The following IGSF9B variants were observed in gnomAD, a reference collection of about 807,000 sequenced individuals.
IGSF9B encodes protein turtle homolog B.
A neutral mutation model predicts 143.7 loss-of-function variants in IGSF9B; 48 were observed. The observed-to-expected ratio is 0.33, with a 90% confidence interval of 0.26 to 0.42. IGSF9B has a LOEUF of 0.42. IGSF9B is among the 20% of genes least tolerant of loss of function. The pLI, the probability that IGSF9B is intolerant of heterozygous loss-of-function variation, is 1.00. For missense variants in IGSF9B, 1,706 were observed against 1,980.0 expected (o/e 0.86, Z 2.63); for synonymous variants, 903 against 833.1 (o/e 1.08, Z -1.44).
At chr11:133,926,822 C>A in intron 13 of IGSF9B, 94 bp downstream of exon 13, 1 of 1,051,316 alleles carries the variant, frequency 9.5e-7, no homozygotes, top group Non-Finnish European at 1.4e-6. Flanking sequence ...AGCAAGGTAC[C>A]GGCACACAGG....
In IGSF9B at chr11:133,921,166, G is replaced by T. The variant is rs1939527784; in HGVS notation, c.2559C>A (p.Gly853=). 6.2e-7 allele frequency: 1 copy of T among 1,611,720 alleles called. No individual in the cohort carries two copies. Among genetic ancestry groups the T allele is most frequent in the Non-Finnish European group, 8.5e-7 (1 of 1,178,784 alleles). Residue 853 remains glycine, a synonymous_variant, in exon 18 of 20, where the codon GGC becomes GGA. Transcript: ENST00000533871. ...ATTPIELISR[G]PDGRFVMDPA... ...GGTCCATCACGAAGCGGCCGTCAGG[G>T]CCTCTGCTGATGAGCTCGATGGGCG...
rs575533987 is a variant in IGSF9B, at chr11:133,931,841, C to G, written c.1111-46G>C. 66 of 1,599,600 alleles carry G rather than the reference C, an allele frequency of 4.1e-5. No homozygotes were observed. The highest frequency in any genetic ancestry group is 5.4e-5 in the Non-Finnish European group (64 of 1,175,164). On this transcript the variant is annotated intron_variant, in intron 8 of 19. Coordinates refer to ENST00000533871, the MANE Select transcript of IGSF9B (RefSeq NM_001277285.4). This position sits in a 1 kb window ranked among gnomAD's most constrained non-coding sequence, Gnocchi z 7.7. ...GGCAGGGAACGCTGGTCAGAGACTC[C>G]GCGCTCCATCCCAGGCTGGGTCCCA...
In IGSF9B at chr11:133,920,553, G is replaced by C; in HGVS notation, c.3172C>G (p.Pro1058Ala). The change falls in exon 18 of 20, where the codon CCC (proline) becomes GCC (alanine). Residue 1058 changes from proline to alanine, a missense_variant. Physicochemically the swap from Pro to Ala is conservative, Grantham distance 27. Around this residue, in one of 7 missense-constraint regions of IGSF9B, gnomAD observed 880 missense variants for 762.9 expected, o/e 1.15. Coordinates refer to ENST00000533871, the MANE Select transcript of IGSF9B (RefSeq NM_001277285.4). Reference sequence around the variant, plus strand: ...ACATCACAGGGTGGCAGCTGGTGGGGGAACATCATCGCTGGGGTCTCCAGC... The same window carrying C: ...ACATCACAGGGTGGCAGCTGGTGGGCGAACATCATCGCTGGGGTCTCCAGC... ...GGLETPAMMFPHQLPPCDVPE... is the reference protein window; with the variant it reads ...GGLETPAMMFAHQLPPCDVPE... The C allele has an allele frequency of 6.2e-7, 1 of 1,612,610 alleles. No homozygotes were observed. The highest frequency in any genetic ancestry group is 1.3e-5 in the African/African-American group (1 of 75,028).
intron 3 of IGSF9B, among the ~76,000 whole-genome samples, chr11:133,941,703 G>A (rs1939958099): frequency 6.6e-6 from 1 of 152,214 alleles, no homozygotes; most frequent in South Asian, 2.1e-4. Context: ...GCCTGGAGCA[G>A]ATGGTGCACC....
chr11:133,944,585 C>T lies in IGSF9B; in HGVS notation c.263-219G>A, dbSNP rs1166750271. Among the ~76,000 whole-genome samples the T allele has an allele frequency of 2.0e-5, 3 of 152,340 alleles. No individual in the cohort carries two copies. The East Asian group carries it at 5.8e-4, about 29-fold the overall frequency. On this transcript the variant is annotated intron_variant, in intron 2 of 19. Transcript: ENST00000533871. Reference sequence around the variant, plus strand: ...AGAGCCACTCTCCCGCCCCAGCTGGCCCTGCCCCAGCCTGCAAGGCAACTC... The same window carrying T: ...AGAGCCACTCTCCCGCCCCAGCTGGTCCTGCCCCAGCCTGCAAGGCAACTC...
In IGSF9B at chr11:133,956,799, T is replaced by A; in HGVS notation, c.-45A>T. The A allele has an allele frequency of 8.0e-7, 1 of 1,255,984 alleles. No individual in the cohort carries two copies. Among genetic ancestry groups the A allele is most frequent in the Non-Finnish European group, 1.1e-6 (1 of 947,942 alleles). 77.8% of individuals were successfully genotyped at this position (1,255,984 alleles called of 1,614,324 possible). A position where few individuals can be genotyped will look rare whatever the true frequency, so the allele number is the denominator to read the frequency against. On this transcript the variant is annotated 5_prime_UTR_variant, in exon 1 of 20. Coordinates refer to ENST00000533871, the MANE Select transcript of IGSF9B (RefSeq NM_001277285.4). ...GGAGCCTCATCCTATCGCAAAGTGC[T>A]CCCGCGCCCGCACGCGCCTCGCGCC...
chr11:133,920,062 A>C lies in IGSF9B; in HGVS notation c.3663T>G (p.Arg1221=), dbSNP rs944565679. Residue 1221 remains arginine, a synonymous_variant, in exon 18 of 20, where the codon CGT becomes CGG. Transcript: ENST00000533871. The stretch of plus-strand genomic sequence containing the variant: ...GCAGGAGGCCCGGGCGAGGCCGGGC[A>C]CGGGCGGCGAGCTCAGGGGAGCCGG... ...SRTGSPELAA[R]ARPRPGLLQQ... is the part of the protein sequence containing the mutation. 2.6e-6 allele frequency: 4 copies of C among 1,543,890 alleles called. No homozygotes were observed. The highest frequency in any genetic ancestry group is 2.6e-6 in the Non-Finnish European group (3 of 1,147,008).
At chr11:133,918,134 C>T (rs1286320932) in intron 18 of IGSF9B, among the ~76,000 whole-genome samples, 1 of 151,954 alleles carries the variant, frequency 6.6e-6, no homozygotes, top group Non-Finnish European at 1.5e-5. Context: ...CGAGGAGCGG[C>T]AGCGGCCACC....
intron 3 of IGSF9B, among the ~76,000 whole-genome samples, chr11:133,940,284 C>G (rs1939917540): frequency 1.4e-5 from 2 of 142,828 alleles, no homozygotes; most frequent in African/African-American, 2.6e-5. Flanking sequence ...CGCAGAAACA[C>G]ACCTCGCACG....
At chr11:133,924,141 G>C (rs1017642167) in intron 15 of IGSF9B, among the ~76,000 whole-genome samples, 2 of 152,134 alleles carry the variant, frequency 1.3e-5, no homozygotes, top group Admixed American at 1.3e-4. Flanking sequence ...GGGGACTCTG[G>C]GTGAGCGGTG....
chr11:133,931,312 G>T lies in IGSF9B; in HGVS notation c.1368+141C>A. The T allele has an allele frequency of 3.5e-6, 3 of 856,624 alleles. No individual in the cohort carries two copies. The highest frequency in any genetic ancestry group is 5.5e-6 in the Non-Finnish European group (3 of 547,278). The allele number at this position is 856,624 out of a possible 1,614,324, so 53.1% of individuals were successfully genotyped here. A position where few individuals can be genotyped will look rare whatever the true frequency, so the allele number is the denominator to read the frequency against. Reference sequence around the variant, plus strand: ...TCGGCATCTAGCCTGGTCAGGGCAGGTCCAGAATAGAACTGCTCGCTGGGC... The same window carrying T: ...TCGGCATCTAGCCTGGTCAGGGCAGTTCCAGAATAGAACTGCTCGCTGGGC... On this transcript the variant is annotated intron_variant, in intron 10 of 19. Transcript: ENST00000533871. This position sits in a 1 kb window ranked among gnomAD's most constrained non-coding sequence, Gnocchi z 7.7.
chr11:133,941,107 G>A (rs1416617793), intron 3 of IGSF9B, among the ~76,000 whole-genome samples: 1 of 152,204 alleles, frequency 6.6e-6, no homozygotes, highest in Non-Finnish European at 1.5e-5. Flanking sequence ...TGCTAATCAG[G>A]AAAGTACGTT....
Position 133,921,034 on chromosome 11 carries a change from C to G in IGSF9B, c.2691G>C (p.Glu897Asp). The G allele has an allele frequency of 6.2e-7, 1 of 1,613,730 alleles. No individual in the cohort carries two copies. Among genetic ancestry groups the G allele is most frequent in the East Asian group, 2.2e-5 (1 of 44,872 alleles). Residue 897 changes from glutamate (E) to aspartate (D), a missense_variant, in exon 18 of 20, where the codon GAG becomes GAC. By Grantham distance (45) the Glu-to-Asp change is conservative (BLOSUM62 2). Coordinates refer to ENST00000533871, the MANE Select transcript of IGSF9B (RefSeq NM_001277285.4). ...PEFRQSDEENEDPLVPTSVAA... is the reference protein window; with the variant it reads ...PEFRQSDEENDDPLVPTSVAA... ...CCACAGATGTGGGCACCAGTGGGTC[C>G]TCGTTCTCCTCGTCCGACTGGCGGA...
Position 133,919,769 on chromosome 11 carries a change from G to T in IGSF9B, c.3956C>A (p.Thr1319Asn), listed in dbSNP as rs748898735. The T allele has an allele frequency of 6.7e-7, 1 of 1,483,696 alleles. No homozygotes were observed. The highest frequency in any genetic ancestry group is 9.0e-7 in the Non-Finnish European group (1 of 1,114,552). 91.9% of individuals were successfully genotyped at this position (1,483,696 alleles called of 1,614,324 possible). A position where few individuals can be genotyped will look rare whatever the true frequency, so the allele number is the denominator to read the frequency against. The change falls in exon 18 of 20, where the codon ACC (threonine) becomes AAC (asparagine). Residue 1319 changes from threonine to asparagine, a missense_variant. Thr to Asn is a moderately conservative substitution (Grantham distance 65). Transcript: ENST00000533871. ...RTGEELLRPE[T>N]PPPTLPTSGT... is the part of the protein sequence containing the mutation. The stretch of plus-strand genomic sequence containing the variant: ...TGAAGTAGGTAACGTGGGTGGTGGG[G>T]TCTCCGGTCGGAGCAATTCCTCCCC...
rs540773093 is a variant in IGSF9B, at chr11:133,920,204, T to C, written c.3521A>G (p.Gln1174Arg). The change falls in exon 18 of 20, where the codon CAG (glutamine) becomes CGG (arginine). Residue 1174 changes from glutamine (Q) to arginine (R), a missense_variant. Around this residue, in one of 7 missense-constraint regions of IGSF9B, gnomAD observed 880 missense variants for 762.9 expected, o/e 1.15. Transcript: ENST00000533871. The stretch of plus-strand genomic sequence containing the variant: ...CCGAGGGCTAGGCCGGGGCCGGGGC[T>C]GGGGCTCATACCACCGGGTGTCCAG... ...FGLDTRWYEP[Q>R]PRPRPSPRQA... 6 of 1,514,558 alleles carry C rather than the reference T, an allele frequency of 4.0e-6. No individual in the cohort carries two copies. Among genetic ancestry groups the C allele is most frequent in the East Asian group, 4.6e-5 (2 of 43,778 alleles). 93.8% of individuals were successfully genotyped at this position (1,514,558 alleles called of 1,614,324 possible). A position where few individuals can be genotyped will look rare whatever the true frequency, so the allele number is the denominator to read the frequency against.
chr11:133,902,580 ACACACACCC>A lies in IGSF9B; in HGVS notation c.*6480_*6488del, dbSNP rs1687316358. Among the ~76,000 whole-genome samples, 1 of 146,204 alleles carries A rather than the reference ACACACACCC, an allele frequency of 6.8e-6. No homozygotes were observed. The highest frequency in any genetic ancestry group is 6.8e-5 in the Admixed American group (1 of 14,626). ...ACACACACACACCCCACACACACAC[ACACACACCC>A]CACTTACTTCCTGAATCCAGAAAAG... On this transcript the variant is annotated 3_prime_UTR_variant, in exon 20 of 20. Transcript: ENST00000533871.
chr11:133,924,460 G>A (rs1939589876), intron 15 of IGSF9B, among the ~76,000 whole-genome samples: 1 of 152,166 alleles, frequency 6.6e-6, no homozygotes, highest in Non-Finnish European at 1.5e-5. Flanking sequence ...TGGTTGACCT[G>A]TTGTTTCCTC....
chr11:133,931,488 C>G lies in IGSF9B; in HGVS notation c.1333G>C (p.Ala445Pro), dbSNP rs753598938. The G allele has an allele frequency of 6.2e-7, 1 of 1,612,626 alleles. No individual in the cohort carries two copies. Residue 445 changes from alanine to proline, a missense_variant, in exon 10 of 20, where the codon GCA becomes CCA. By Grantham distance (27) the Ala-to-Pro change is conservative. Coordinates refer to ENST00000533871, the MANE Select transcript of IGSF9B (RefSeq NM_001277285.4). The surrounding 1 kb of genome is among the most constrained non-coding windows in gnomAD (Gnocchi z 7.7). ...GTGATGACAGGAAAGGGGTCCCCTG[C>G]GGCAGCACAGGGGATAAGTAGCTCC... ...GRELLIPCAA[A>P]GDPFPVITWR...
chr11:133,948,054 TGC>T lies in IGSF9B; in HGVS notation c.65-1798_65-1797del, dbSNP rs1223010403. Among the ~76,000 whole-genome samples, 1 of 79,812 alleles carries T rather than the reference TGC, an allele frequency of 1.3e-5. No homozygotes were observed. The highest frequency in any genetic ancestry group is 5.5e-4 in the South Asian group (1 of 1,832). 52.4% of individuals were successfully genotyped at this position (79,812 alleles called of 152,430 possible). ...CCCTGTTTCTGTCTACCAGCATGTG[TGC>T]GTGTGTGTGTGTGTGTGTGTGTGTG... On this transcript the variant is annotated intron_variant, in intron 1 of 19. Coordinates refer to ENST00000533871, the MANE Select transcript of IGSF9B (RefSeq NM_001277285.4). This position sits in a 1 kb window ranked among gnomAD's most constrained non-coding sequence, Gnocchi z 4.7.
Sources: allele counts gnomAD v4.1 joint callset (sites outside exome capture counted in the v4.1 genomes callset), GRCh38; gene constraint gnomAD v4.1.1; regional missense constraint gnomAD v4.1.1; non-coding constraint Gnocchi (gnomAD v3.1); transcripts MANE v1.5; gene names NCBI Gene and HGNC (gene_info 2026-07-23, HGNC 2026-07-21).